The following FCN2 variants were observed in gnomAD, a reference collection of about 807,000 sequenced individuals.
FCN2 encodes ficolin 2.
FCN2 carries 31 observed loss-of-function variants against 32.5 expected under a neutral mutation model. That is an observed-to-expected ratio of 0.96 (90% confidence interval 0.72 to 1.29). FCN2 has a LOEUF of 1.29. FCN2 is among the 50% of genes most tolerant of loss of function. The pLI is 0.00. For synonymous variants in FCN2, 181 were observed against 164.5 expected, an observed-to-expected ratio of 1.10 and a Z score of -0.77; for missense variants, 412 against 406.5, an observed-to-expected ratio of 1.01 and a Z score of -0.12.
chr9:134,886,383 A>C, intron 6 of FCN2, 47 bp from the exon 7 acceptor site: 1 of 1,612,806 alleles, frequency 6.2e-7, no homozygotes, highest in Non-Finnish European at 8.5e-7. Flanking sequence ...CCCATGTCTA[A>C]AGGTAGAGAG....
At position 134,885,915 on chromosome 9, in the gene FCN2, GC is replaced by G. The variant is rs780525425; in HGVS notation, c.559+19del. On this transcript the variant is annotated intron_variant, in intron 6 of 7. Coordinates refer to ENST00000291744, the MANE Select transcript of FCN2 (RefSeq NM_004108.3). The stretch of plus-strand genomic sequence containing the variant: ...CGCCCAGGGTAGGGCCGCTGCTGGG[GC>G]TTGGGGGTCGGGGGCCCTGAATGGG... The G allele has an allele frequency of 2.2e-5, 35 of 1,602,104 alleles. No homozygotes were observed. The highest frequency in any genetic ancestry group is 3.0e-5 in the Non-Finnish European group (35 of 1,174,332).
the FCN2 span, among the ~76,000 whole-genome samples, chr9:134,867,955 C>T: frequency 6.6e-6 from 1 of 152,216 alleles, no homozygotes; most frequent in East Asian, 1.9e-4. Context: ...AATGCACATT[C>T]TCTAATCCAA....
At chr9:134,873,683 G>C in the FCN2 span, among the ~76,000 whole-genome samples, 1 of 152,164 alleles carries the variant, frequency 6.6e-6, no homozygotes, top group Non-Finnish European at 1.5e-5. Flanking sequence ...AGGAAGAGTC[G>C]ACGATGTTAA....
At chr9:134,878,322 T>C (rs1830621141), upstream of FCN2, among the ~76,000 whole-genome samples, 2 of 152,176 alleles carry the variant, frequency 1.3e-5, no homozygotes. Context: ...GAACTGGCCA[T>C]GTGCCTTGCG....
chr9:134,864,741 T>C, the FCN2 span, among the ~76,000 whole-genome samples: 4 of 152,250 alleles, frequency 2.6e-5, no homozygotes, highest in Non-Finnish European at 5.9e-5. Context: ...TGCTGACCAC[T>C]CACAGCACGC....
At chr9:134,884,101 A>T (rs1009185152) in intron 3 of FCN2, among the ~76,000 whole-genome samples, 2 of 152,002 alleles carry the variant, frequency 1.3e-5, no homozygotes, top group Admixed American at 6.5e-5. Context: ...TCAGCCCCGG[A>T]TGGCTTGGAG....
chr9:134,870,596 G>A, the FCN2 span, among the ~76,000 whole-genome samples: 3 of 152,144 alleles, frequency 2.0e-5, no homozygotes, highest in Non-Finnish European at 2.9e-5. This position sits in a 1 kb window ranked among gnomAD's most constrained non-coding sequence, Gnocchi z 4.3. Context: ...AGCAGCCACG[G>A]TGAGCAAAGG....
chr9:134,887,157 C>G lies in FCN2; in HGVS notation c.695-11C>G. The G allele has an allele frequency of 6.2e-7, 1 of 1,614,026 alleles. No homozygotes were observed. The highest frequency in any genetic ancestry group is 1.7e-5 in the Admixed American group (1 of 60,028). On this transcript the variant is annotated splice_polypyrimidine_tract_variant and intron_variant, in intron 7 of 7. Transcript: ENST00000291744. ...CTGCCTGTAACGATGCTCACATTTCCTCCTGCACAGGAGATTCCCTGACGT... is the reference window on the plus strand; with the variant it reads ...CTGCCTGTAACGATGCTCACATTTCGTCCTGCACAGGAGATTCCCTGACGT...
the FCN2 span, among the ~76,000 whole-genome samples, chr9:134,871,224 G>A: frequency 6.6e-6 from 1 of 152,178 alleles, no homozygotes; most frequent in African/African-American, 2.4e-5. Context: ...GCTGAGGACT[G>A]GTGGAATGAA....
At chr9:134,884,350 G>T (rs1830711637) in intron 3 of FCN2, among the ~76,000 whole-genome samples, 1 of 152,072 alleles carries the variant, frequency 6.6e-6, no homozygotes, top group African/African-American at 2.4e-5. Flanking sequence ...AAAATACGCA[G>T]GTTTGGTGCC....
At chr9:134,887,041 T>C (rs7872508) in intron 7 of FCN2, 127 bp from the exon 8 acceptor site, 34 of 1,079,896 alleles carry the variant, frequency 3.1e-5, no homozygotes, top group Non-Finnish European at 4.6e-5. Flanking sequence ...ACTTCTTGGA[T>C]TGTGCAGTGC....
At chr9:134,875,351 G>A in the FCN2 span, among the ~76,000 whole-genome samples, 60,203 of 151,972 alleles carry the variant, frequency 0.4, 12,016 homozygotes, top group South Asian at 0.47. Context: ...GCTTCCTTCC[G>A]TGGTAGACAG....
the FCN2 span, among the ~76,000 whole-genome samples, chr9:134,872,237 G>A: frequency 1.3e-5 from 2 of 151,716 alleles, no homozygotes; most frequent in Non-Finnish European, 2.9e-5. Context: ...CAGCGGAGTC[G>A]TACCCCGTGG....
chr9:134,887,507 C>T lies in FCN2; in HGVS notation c.*92C>T. On this transcript the variant is annotated 3_prime_UTR_variant, in exon 8 of 8. Transcript: ENST00000291744. ...GGCCCTACGGTTTGTAAAAGAAACA[C>T]ATGTCGTGATTCTAAATTGGGTTTG... is the stretch of plus-strand genomic sequence containing the variant. 8.0e-7 allele frequency: 1 copy of T among 1,251,618 alleles called. No homozygotes were observed. Among genetic ancestry groups the T allele is most frequent in the Non-Finnish European group, 1.1e-6 (1 of 870,036 alleles). 77.5% of individuals were successfully genotyped at this position (1,251,618 alleles called of 1,614,324 possible).
At chr9:134,885,646 G>A in intron 5 of FCN2, 122 bp from the exon 6 acceptor site, 2 of 1,368,010 alleles carry the variant, frequency 1.5e-6, no homozygotes, top group Non-Finnish European at 1.0e-6. Flanking sequence ...AGGTGGGCGT[G>A]CTGGTGACCC....
At chr9:134,876,486 A>G (rs764859994), upstream of FCN2, among the ~76,000 whole-genome samples, 21 of 152,144 alleles carry the variant, frequency 1.4e-4, no homozygotes, top group Non-Finnish European at 2.9e-4. Flanking sequence ...CTATATGTCT[A>G]CCTTCACATC....
the FCN2 span, among the ~76,000 whole-genome samples, chr9:134,869,752 G>T: frequency 6.6e-6 from 1 of 152,220 alleles, no homozygotes; most frequent in Non-Finnish European, 1.5e-5. Flanking sequence ...CCTCCGAGGG[G>T]CTGAGGCTCA....
chr9:134,879,573 C>A (rs55848654), upstream of FCN2, among the ~76,000 whole-genome samples: 3,836 of 152,168 alleles, frequency 0.025, 132 homozygotes, highest in African/African-American at 0.086. Flanking sequence ...CTCCATGGAG[C>A]CTGTGTCTTC....
rs1339990522 is a variant in FCN2 at position 134,883,311 on chromosome 9, GC to G, written c.230del (p.Pro77LeufsTer23). On this transcript the variant is annotated frameshift_variant, in exon 3 of 8. Coordinates refer to ENST00000291744, the MANE Select transcript of FCN2 (RefSeq NM_004108.3). LOFTEE classifies it high-confidence loss of function. Reference protein sequence around the residue: ...AGTNGKRGERGPPGPPGKAGP... With the variant: ...AGTNGKRGERXPPGPPGKAGP... ...TCTTTGGAAATTGCAGGAGAACGTGGCCCCCCTGGACCTCCTGGGAAGGCAG... is the reference window on the plus strand; with the variant it reads ...TCTTTGGAAATTGCAGGAGAACGTGGCCCCCTGGACCTCCTGGGAAGGCAG... 6.2e-7 allele frequency: 1 copy of G among 1,612,908 alleles called. No homozygotes were observed. The highest frequency in any genetic ancestry group is 8.5e-7 in the Non-Finnish European group (1 of 1,178,978).
Sources: gnomAD v4.1 joint callset for allele counts (sites outside exome capture counted in the v4.1 genomes callset) on GRCh38, gnomAD v4.1.1 for gene constraint, Gnocchi (gnomAD v3.1) non-coding constraint, MANE v1.5 for transcripts, NCBI Gene and HGNC (gene_info 2026-07-23, HGNC 2026-07-21) for gene names.